MCPH1: variants seen among roughly 807,000 people sequenced by gnomAD.
The protein encoded by MCPH1 is microcephalin 1.
Under a neutral mutation model 84.5 loss-of-function variants are expected in MCPH1, and 104 were observed. The ratio of observed to expected loss-of-function variants is 1.23; its 90% confidence interval spans 1.05 to 1.45. MCPH1 has a LOEUF of 1.45. MCPH1 is among the 40% of genes most tolerant of loss of function. MCPH1 has a pLI of 0.00. For missense variants in MCPH1, 1,498 were observed against 1,005.7 expected (o/e 1.49, Z -6.62); for synonymous variants, 514 against 366.8 (o/e 1.40, Z -4.58).
Position 6,431,515 on chromosome 8 carries a change from G to A in MCPH1, c.250G>A (p.Ala84Thr). The change falls in exon 4 of 14, where the codon GCA (alanine) becomes ACA (threonine). Residue 84 changes from alanine to threonine, a missense_variant. Transcript: ENST00000344683. ...ATTATACAGATGCAGGACAGCTGGA[G>A]CACACATTGATGAATCATTGTTCCC... ...LWVEKCRTAG[A>T]HIDESLFPAA... 1.2e-6 allele frequency: 2 copies of A among 1,613,250 alleles called. No individual in the cohort carries two copies. Among genetic ancestry groups the A allele is most frequent in the Non-Finnish European group, 1.7e-6 (2 of 1,179,506 alleles).
chr8:6,603,873 C>G (rs1388710831), intron 12 of MCPH1, among the ~76,000 whole-genome samples: 2 of 152,150 alleles, frequency 1.3e-5, no homozygotes, highest in Non-Finnish European at 2.9e-5. Context: ...ACCCGATTCC[C>G]AAGAAATAAA....
At chr8:6,535,312 A>G (rs1357714641) in intron 12 of MCPH1, among the ~76,000 whole-genome samples, 2 of 152,244 alleles carry the variant, frequency 1.3e-5, no homozygotes, top group African/African-American at 4.8e-5. Flanking sequence ...TTGAAAACTT[A>G]AAGTCAAATT....
chr8:6,542,184 A>T (rs1821715871), intron 12 of MCPH1, among the ~76,000 whole-genome samples: 1 of 152,206 alleles, frequency 6.6e-6, no homozygotes, highest in Non-Finnish European at 1.5e-5. Context: ...AGAAAAAATA[A>T]TAATAATGTA....
rs745789497 is a variant in MCPH1 at position 6,621,437 on chromosome 8, CTCTG to C, written c.2215-12_2215-9del. On this transcript the variant is annotated splice_polypyrimidine_tract_variant and intron_variant, in intron 12 of 13. Coordinates refer to ENST00000344683, the MANE Select transcript of MCPH1 (RefSeq NM_024596.5). ...AGTGGTCCCACCTCTGTAATTCTAT[CTCTG>C]TCTGCCCCACAGCTGTGCCGAAGCG... 3 of 1,613,624 alleles carry C rather than the reference CTCTG, an allele frequency of 1.9e-6. No individual in the cohort carries two copies. Among genetic ancestry groups the C allele is most frequent in the Admixed American group, 1.7e-5 (1 of 60,028 alleles).
At chr8:6,476,429 C>CAAA (rs57044817) in intron 9 of MCPH1, among the ~76,000 whole-genome samples, 1,491 of 71,200 alleles carry the variant, frequency 0.021, 23 homozygotes, top group African/African-American at 0.065. Context: ...AACTCCATCT[C>CAAA]AAAAAAAAAA....
intron 1 of MCPH1, chr8:6,406,959 CT>C (rs904233424): frequency 4.7e-5 from 25 of 528,746 alleles, no homozygotes; most frequent in Non-Finnish European, 7.8e-5. Context: ...AAACCCCCGA[CT>C]GCCTGCTTCC....
At chr8:6,590,767 T>G (rs912275729) in intron 12 of MCPH1, among the ~76,000 whole-genome samples, 6 of 152,264 alleles carry the variant, frequency 3.9e-5, no homozygotes, top group African/African-American at 1.4e-4. Flanking sequence ...TGGTGATCTC[T>G]GCTTCAAAGA....
intron 3 of MCPH1, among the ~76,000 whole-genome samples, chr8:6,422,450 A>G (rs1022408134): frequency 6.6e-6 from 1 of 152,234 alleles, no homozygotes; most frequent in African/African-American, 2.4e-5. Context: ...CAAAATTAAA[A>G]TAGTAGCCAT....
At chr8:6,609,862 G>A (rs911986867) in intron 12 of MCPH1, among the ~76,000 whole-genome samples, 4 of 138,604 alleles carry the variant, frequency 2.9e-5, no homozygotes, top group African/African-American at 1.0e-4. Flanking sequence ...CACAGAGGGT[G>A]AGGGGGGTGC....
intron 12 of MCPH1, among the ~76,000 whole-genome samples, chr8:6,566,102 G>A (rs146430622): frequency 3.8e-4 from 58 of 152,354 alleles, no homozygotes; most frequent in African/African-American, 1.3e-3. Context: ...CTGAGTGAGC[G>A]TGCTGGGCTC....
At chr8:6,419,554 G>A (rs1719956577) in intron 3 of MCPH1, among the ~76,000 whole-genome samples, 2 of 85,104 alleles carry the variant, frequency 2.4e-5, no homozygotes, top group South Asian at 1.3e-3. Flanking sequence ...CACCACACCT[G>A]GCTAATTTTT....
At chr8:6,611,859 C>A (rs1312778883) in intron 12 of MCPH1, among the ~76,000 whole-genome samples, 1 of 152,132 alleles carries the variant, frequency 6.6e-6, no homozygotes, top group Non-Finnish European at 1.5e-5. Flanking sequence ...ACCTCGTGAT[C>A]CACCCACCTC....
chr8:6,420,149 T>C (rs1345678402), intron 3 of MCPH1, among the ~76,000 whole-genome samples: 2 of 151,920 alleles, frequency 1.3e-5, no homozygotes, highest in Non-Finnish European at 2.9e-5. Flanking sequence ...TTCACTGCCA[T>C]TGGTTCAAGG....
chr8:6,605,726 C>T (rs955085805), intron 12 of MCPH1, among the ~76,000 whole-genome samples: 3 of 152,126 alleles, frequency 2.0e-5, no homozygotes, highest in Non-Finnish European at 2.9e-5. Context: ...GACACAGAGT[C>T]TCACTCTGTC....
At chr8:6,617,045 G>A (rs1310843823) in intron 12 of MCPH1, 1 of 151,994 alleles carries the variant, frequency 6.6e-6, no homozygotes, top group Non-Finnish European at 1.5e-5. Flanking sequence ...CTTGTCTGTG[G>A]GCAGGAAATG....
chr8:6,413,621 C>G (rs1236631515), intron 2 of MCPH1, among the ~76,000 whole-genome samples: 2 of 151,884 alleles, frequency 1.3e-5, no homozygotes, highest in Non-Finnish European at 2.9e-5. Flanking sequence ...TACCAGTGAG[C>G]TTTACTCAAC....
At position 6,621,016 on chromosome 8, in the gene MCPH1, A is replaced by T. The variant is rs1034916800; in HGVS notation, c.2215-438A>T. On this transcript the variant is annotated intron_variant, in intron 12 of 13. Transcript: ENST00000344683. The stretch of plus-strand genomic sequence containing the variant: ...CATCCTATAAAAGTCCTTTTCTGCC[A>T]ACAGCCTGGAGCGCGCTGGATTGAA... 3.3e-5 allele frequency: 8 copies of T among 239,462 alleles called. No homozygotes were observed. In the East Asian group the frequency reaches 9.0e-4, roughly 27 times the overall value. The allele number at this position is 239,462 out of a possible 1,614,324, so 14.8% of individuals were successfully genotyped here.
At chr8:6,496,973 G>T (rs965748174) in intron 11 of MCPH1, among the ~76,000 whole-genome samples, 2 of 152,020 alleles carry the variant, frequency 1.3e-5, no homozygotes, top group East Asian at 1.9e-4. Context: ...CAAAAATTGA[G>T]TACCTTGTTC....
At chr8:6,418,774 G>A (rs1337293994) in intron 3 of MCPH1, among the ~76,000 whole-genome samples, 1 of 152,056 alleles carries the variant, frequency 6.6e-6, no homozygotes, top group Non-Finnish European at 1.5e-5. Context: ...TGGACACGGG[G>A]TTTCACCATG....
Sources: gnomAD v4.1 joint callset for allele counts (sites outside exome capture counted in the v4.1 genomes callset) on GRCh38, gnomAD v4.1.1 for gene constraint, MANE v1.5 for transcripts, NCBI Gene and HGNC (gene_info 2026-07-23, HGNC 2026-07-21) for gene names.